The following BTBD16 variants were observed in gnomAD, a reference collection of about 807,000 sequenced individuals.
BTBD16 encodes BTB domain containing 16.
BTBD16 carries 66 observed loss-of-function variants against 67.4 expected under a neutral mutation model. The observed-to-expected ratio is 0.98, with a 90% CI of 0.80 to 1.20. BTBD16 has a LOEUF of 1.20. BTBD16 is among the 50% of genes most tolerant of loss of function. The pLI, the probability that BTBD16 is intolerant of heterozygous loss-of-function variation, is 0.00. For missense variants in BTBD16, 634 were observed against 616.0 expected, an observed-to-expected ratio of 1.03 and a Z score of -0.31; for synonymous variants, 242 against 236.4, an observed-to-expected ratio of 1.02 and a Z score of -0.22.
chr10:122,281,746 A>C (rs1211640471), intron 3 of BTBD16, among the ~76,000 whole-genome samples: 5 of 152,224 alleles, frequency 3.3e-5, no homozygotes, highest in Admixed American at 6.5e-5. Context: ...GTCCAGCCCC[A>C]GGTCTATGTA....
intron 10 of BTBD16, among the ~76,000 whole-genome samples, chr10:122,308,719 G>A (rs755152628): frequency 3.3e-5 from 5 of 152,112 alleles, no homozygotes; most frequent in Non-Finnish European, 7.3e-5. Context: ...CACTGTCCAG[G>A]CCCACTCTGT....
chr10:122,297,876 G>A (rs1404679195), intron 8 of BTBD16, 39 bp downstream of exon 8: 1 of 1,599,862 alleles, frequency 6.3e-7, no homozygotes, highest in East Asian at 2.2e-5. Context: ...CCCCTTGGGG[G>A]GGCCTTCAGG....
At position 122,305,733 on chromosome 10, in the gene BTBD16, TC is replaced by T. The variant is rs534270004; in HGVS notation, c.792-1455del. Among the ~76,000 whole-genome samples the T allele has an allele frequency of 7.2e-5, 11 of 152,352 alleles. No individual in the cohort carries two copies. The South Asian group carries it at 2.3e-3, about 32-fold the overall frequency. ...ATACATAGTTTTTCAATCCTCGCCC[TC>T]TTCCTACCCACCACCATCAGGTAGG... On this transcript the variant is annotated intron_variant, in intron 9 of 15. Transcript: ENST00000260723.
chr10:122,332,210 T>C (rs1016567213), intron 12 of BTBD16: 1 of 516,662 alleles, frequency 1.9e-6, no homozygotes, highest in Non-Finnish European at 3.4e-6. Flanking sequence ...GATACTTTTT[T>C]GTCTTCTCCT....
At chr10:122,332,282 G>A in intron 12 of BTBD16, 154 bp from the exon 13 acceptor site, 1 of 643,220 alleles carries the variant, frequency 1.6e-6, no homozygotes, top group Admixed American at 2.9e-5. Context: ...AAATGTCTGT[G>A]AACTGAATGA....
chr10:122,283,611 T>A (rs991216440), intron 3 of BTBD16, among the ~76,000 whole-genome samples: 3 of 152,196 alleles, frequency 2.0e-5, no homozygotes, highest in Non-Finnish European at 4.4e-5. Flanking sequence ...CTGAAATATC[T>A]CCTCGGTAAG....
At chr10:122,334,646 A>G (rs2096460601) in intron 13 of BTBD16, among the ~76,000 whole-genome samples, 1 of 147,204 alleles carries the variant, frequency 6.8e-6, no homozygotes, top group African/African-American at 2.5e-5. Flanking sequence ...AGCTGGGACT[A>G]CAGGCACGCA....
intron 14 of BTBD16, 130 bp downstream of exon 14, chr10:122,335,109 A>G: frequency 1.8e-6 from 1 of 554,760 alleles, no homozygotes; most frequent in East Asian, 3.3e-5. Context: ...GTAAGTGCTA[A>G]CCACGCTCAT....
At chr10:122,282,922 C>T (rs978138349) in intron 3 of BTBD16, among the ~76,000 whole-genome samples, 9 of 152,040 alleles carry the variant, frequency 5.9e-5, no homozygotes, top group African/African-American at 2.2e-4. Context: ...AGGGGAAAGG[C>T]GAGGAGGAGA....
intron 7 of BTBD16, chr10:122,294,288 G>T: frequency 1.1e-6 from 1 of 894,480 alleles, no homozygotes; most frequent in Non-Finnish European, 1.3e-6. Flanking sequence ...GCATCACAAC[G>T]TTCAGGTGCT....
chr10:122,305,630 G>A (rs1164773446), intron 9 of BTBD16, among the ~76,000 whole-genome samples: 1 of 152,160 alleles, frequency 6.6e-6, no homozygotes, highest in Non-Finnish European at 1.5e-5. Context: ...TGTGAGTCAA[G>A]TAAACCTCTT....
At chr10:122,316,596 T>G (rs987687909) in intron 10 of BTBD16, among the ~76,000 whole-genome samples, 2 of 152,092 alleles carry the variant, frequency 1.3e-5, no homozygotes, top group Non-Finnish European at 2.9e-5. Flanking sequence ...CTGAATATCA[T>G]AGGCAGTTGT....
In BTBD16 at chr10:122,309,339, G is replaced by T. The variant is rs150715605; in HGVS notation, c.911+2031G>T. ...ATTATTTTTTGTTTGTTTGTTTTTT[G>T]GTTTTTGTTTTTGTTTTTTTTTTTG... On this transcript the variant is annotated intron_variant, in intron 10 of 15. Transcript: ENST00000260723. 8.1e-4 allele frequency among the ~76,000 whole-genome samples: 121 copies of T among 149,504 alleles called. 1 individual carries two copies. The East Asian group carries it at 0.012, about 14-fold the overall frequency.
In BTBD16 at chr10:122,338,109, AT is replaced by A. The variant is rs759561303; in HGVS notation, c.*28del. The A allele has an allele frequency of 5.2e-6, 8 of 1,539,818 alleles. No individual in the cohort carries two copies. The highest frequency in any genetic ancestry group is 7.2e-6 in the Non-Finnish European group (8 of 1,113,234). On this transcript the variant is annotated 3_prime_UTR_variant, in exon 16 of 16. Transcript: ENST00000260723. ...GACAGTTTCCAGAAGAATCTATGGGATTTTCCCCCCACTGGTCTGCATAAAA... is the reference window on the plus strand; with the variant it reads ...GACAGTTTCCAGAAGAATCTATGGGATTTCCCCCCACTGGTCTGCATAAAA...
At chr10:122,323,856 C>T (rs2096439689) in intron 10 of BTBD16, among the ~76,000 whole-genome samples, 1 of 152,086 alleles carries the variant, frequency 6.6e-6, no homozygotes, top group Admixed American at 6.5e-5. Flanking sequence ...TGGGGTTGAC[C>T]TTGGTCTTCT....
At chr10:122,274,882 C>T (rs572345225) in intron 1 of BTBD16, among the ~76,000 whole-genome samples, 158 bp from the exon 2 acceptor site, 2 of 152,178 alleles carry the variant, frequency 1.3e-5, no homozygotes, top group Non-Finnish European at 2.9e-5. Flanking sequence ...ACAAAAAACC[C>T]CAGCAACAAC....
chr10:122,311,728 C>A (rs1281276244), intron 10 of BTBD16, among the ~76,000 whole-genome samples: 1 of 152,252 alleles, frequency 6.6e-6, no homozygotes, highest in Non-Finnish European at 1.5e-5. Context: ...AGTGAGCACA[C>A]CTGTGTAACC....
intron 10 of BTBD16, among the ~76,000 whole-genome samples, chr10:122,316,483 G>T (rs2096424727): frequency 6.6e-6 from 1 of 152,046 alleles, no homozygotes; most frequent in African/African-American, 2.4e-5. Flanking sequence ...AACATCATAG[G>T]GGGTGCTTAC....
intron 9 of BTBD16, among the ~76,000 whole-genome samples, chr10:122,306,322 C>G (rs1159204732): frequency 6.6e-6 from 1 of 152,234 alleles, no homozygotes; most frequent in African/African-American, 2.4e-5. Context: ...CTTCTGACCT[C>G]CAGAATGATG....
Sources: gnomAD v4.1 joint callset for allele counts (sites outside exome capture counted in the v4.1 genomes callset) on GRCh38, gnomAD v4.1.1 for gene constraint, MANE v1.5 for transcripts, NCBI Gene and HGNC (gene_info 2026-07-23, HGNC 2026-07-21) for gene names.